GID4: variants seen among roughly 807,000 people sequenced by gnomAD.
GID4 encodes the protein GID complex subunit 4 homolog.
A neutral mutation model predicts 32.4 loss-of-function variants in GID4; 7 were observed. The observed-to-expected ratio is 0.22, with a 90% CI of 0.12 to 0.41. GID4 has a LOEUF of 0.41. Among genes scored for constraint, GID4 ranks in the 10% least tolerant of loss-of-function variants. GID4 has a pLI of 1.00. For synonymous variants in GID4, 166 were observed against 170.0 expected, an observed-to-expected ratio of 0.98 and a Z score of 0.18; for missense variants, 309 against 400.0, an observed-to-expected ratio of 0.77 and a Z score of 1.94.
chr17:18,041,628 A>G (rs959118896), intron 1 of GID4, among the ~76,000 whole-genome samples: 1 of 152,168 alleles, frequency 6.6e-6, no homozygotes, highest in African/African-American at 2.4e-5. Context: ...ACCTAGTCAT[A>G]GAATTCTGGA....
At chr17:18,049,181 C>G (rs1272028991) in intron 2 of GID4, among the ~76,000 whole-genome samples, 1 of 150,952 alleles carries the variant, frequency 6.6e-6, no homozygotes. Context: ...ACTAAAAATA[C>G]AAAAATTAGC....
Position 18,045,154 on chromosome 17 carries a change from A to G in GID4, c.446A>G (p.Asp149Gly). 6.2e-7 allele frequency: 1 copy of G among 1,613,064 alleles called. No individual in the cohort carries two copies. The highest frequency in any genetic ancestry group is 8.5e-7 in the Non-Finnish European group (1 of 1,179,072). Residue 149 changes from aspartate to glycine, a missense_variant, in exon 2 of 6, where the codon GAC (aspartate) becomes GGC (glycine). This residue lies in a region of GID4 where 116 missense variants were observed against 214.2 expected (regional missense o/e 0.54). Transcript: ENST00000268719. ...TGTATCCTTTCTTTTCAGCACGTGG[A>G]CACGGGGAACTCTTACCTTTGTGGG... ...YDVEVVLQHV[D>G]TGNSYLCGYL...
intron 5 of GID4, 102 bp from the exon 6 acceptor site, chr17:18,065,078 A>G (rs2045048463): frequency 2.5e-6 from 2 of 801,602 alleles, no homozygotes; most frequent in African/African-American, 1.7e-5. Context: ...CAGTCCAAGT[A>G]TGTGACTTGT....
Position 18,045,149 on chromosome 17 carries a change from C to G in GID4, c.441C>G (p.His147Gln), listed in dbSNP as rs764917589. The change falls in exon 2 of 6, where the codon CAC (histidine) becomes CAG (glutamine). Residue 147 changes from histidine to glutamine, a missense_variant and splice_region_variant. Coordinates refer to ENST00000268719, the MANE Select transcript of GID4 (RefSeq NM_024052.5). ...GGCTGTGTATCCTTTCTTTTCAGCACGTGGACACGGGGAACTCTTACCTTT... is the reference window on the plus strand; with the variant it reads ...GGCTGTGTATCCTTTCTTTTCAGCAGGTGGACACGGGGAACTCTTACCTTT... ...NSYDVEVVLQ[H>Q]VDTGNSYLCG... 6.2e-7 allele frequency: 1 copy of G among 1,612,246 alleles called. No individual in the cohort carries two copies. Among genetic ancestry groups the G allele is most frequent in the East Asian group, 2.2e-5 (1 of 44,874 alleles).
chr17:18,065,058 A>G (rs1345719475), intron 5 of GID4, 122 bp from the exon 6 acceptor site: 3 of 711,214 alleles, frequency 4.2e-6, no homozygotes, highest in East Asian at 5.1e-5. Flanking sequence ...TAGAAAATGA[A>G]TGTGCATTTC....
intron 4 of GID4, 34 bp downstream of exon 4, chr17:18,059,003 A>G (rs376396868): frequency 2.6e-5 from 33 of 1,262,478 alleles, no homozygotes; most frequent in Middle Eastern, 3.9e-4. Context: ...CCAGACTCCC[A>G]GCAAGCCAGG....
chr17:18,056,158 A>G (rs2044964812), intron 3 of GID4, among the ~76,000 whole-genome samples: 1 of 152,218 alleles, frequency 6.6e-6, no homozygotes, highest in Admixed American at 6.6e-5. Context: ...CCCAGCCCCA[A>G]GCTGTTTTTT....
In GID4 at chr17:18,039,578, G is replaced by A. The variant is rs942901007; in HGVS notation, c.114G>A (p.Ala38=). 9 of 1,302,656 alleles carry A rather than the reference G, an allele frequency of 6.9e-6. No individual in the cohort carries two copies. Among genetic ancestry groups the A allele is most frequent in the Non-Finnish European group, 7.8e-6 (8 of 1,029,896 alleles). 80.7% of individuals were successfully genotyped at this position (1,302,656 alleles called of 1,614,324 possible). A position where few individuals can be genotyped will look rare whatever the true frequency, so the allele number is the denominator to read the frequency against. The change falls in exon 1 of 6, where the codon GCG becomes GCA. Residue 38 remains alanine (A), a synonymous_variant. Coordinates refer to ENST00000268719, the MANE Select transcript of GID4 (RefSeq NM_024052.5). The surrounding 1 kb of genome is among the most constrained non-coding windows in gnomAD (Gnocchi z 5.3). ...AGCGCTTGCTCCGCAGGCAGCGGGCGGGTGGTCGCCCCTCCCGCCCCCACC... is the reference window on the plus strand; with the variant it reads ...AGCGCTTGCTCCGCAGGCAGCGGGCAGGTGGTCGCCCCTCCCGCCCCCACC... ...RPERLLRRQR[A]GGRPSRPHPA...
At chr17:18,063,640 C>A (rs990414465) in intron 5 of GID4, among the ~76,000 whole-genome samples, 3 of 152,136 alleles carry the variant, frequency 2.0e-5, no homozygotes, top group African/African-American at 7.2e-5. Flanking sequence ...ACGGCCCTTG[C>A]TTCTGGCTTT....
chr17:18,065,325 C>G lies in GID4; in HGVS notation c.*82C>G. 2.0e-6 allele frequency: 2 copies of G among 1,002,300 alleles called. No homozygotes were observed. Among genetic ancestry groups the G allele is most frequent in the South Asian group, 2.6e-5 (2 of 76,062 alleles). The allele number at this position is 1,002,300 out of a possible 1,614,324, so 62.1% of individuals were successfully genotyped here. On this transcript the variant is annotated 3_prime_UTR_variant, in exon 6 of 6. Transcript: ENST00000268719. ...GAGAAAATTGTGTACCTGCCAGAACCAGGAGAAGTGTGTTCCTGTTTCTTC... is the reference window on the plus strand; with the variant it reads ...GAGAAAATTGTGTACCTGCCAGAACGAGGAGAAGTGTGTTCCTGTTTCTTC...
chr17:18,039,725 C>G lies in GID4; in HGVS notation c.261C>G (p.Arg87=). The G allele has an allele frequency of 6.6e-7, 1 of 1,515,790 alleles. No homozygotes were observed. Among genetic ancestry groups the G allele is most frequent in the South Asian group, 1.2e-5 (1 of 81,308 alleles). 93.9% of individuals were successfully genotyped at this position (1,515,790 alleles called of 1,614,324 possible). ...LAPGDPAMPV[R]TECPPPAGAS... ...CGGGGGACCCCGCGATGCCGGTCCG[C>G]ACCGAGTGTCCCCCGCCGGCCGGTG... Residue 87 remains arginine (R), a synonymous_variant, in exon 1 of 6, where the codon CGC becomes CGG. Transcript: ENST00000268719. This position sits in a 1 kb window ranked among gnomAD's most constrained non-coding sequence, Gnocchi z 5.3.
At position 18,061,942 on chromosome 17, in the gene GID4, T is replaced by A; in HGVS notation, c.806T>A (p.Ile269Lys). 1 of 1,613,796 alleles carries A rather than the reference T, an allele frequency of 6.2e-7. No homozygotes were observed. The highest frequency in any genetic ancestry group is 8.5e-7 in the Non-Finnish European group (1 of 1,179,896). ...YICFQKSAAS[I>K]EGYYYHRSSE... ...TGCTTTCAGAAGTCAGCAGCCTCCA[T>A]AGAGGGCTACTACTACCATAGGAGT... Residue 269 changes from isoleucine to lysine, a missense_variant, in exon 5 of 6, where the codon ATA becomes AAA. Coordinates refer to ENST00000268719, the MANE Select transcript of GID4 (RefSeq NM_024052.5). This position sits in a 1 kb window ranked among gnomAD's most constrained non-coding sequence, Gnocchi z 4.4.
Position 18,039,571 on chromosome 17 carries a change from A to G in GID4, c.107A>G (p.Gln36Arg). Residue 36 changes from glutamine to arginine, a missense_variant, in exon 1 of 6, where the codon CAG becomes CGG. By Grantham distance (43) the Gln-to-Arg change is conservative (BLOSUM62 1). This residue lies in a region of GID4 where 193 missense variants were observed against 185.8 expected (regional missense o/e 1.04). Transcript: ENST00000268719. This position sits in a 1 kb window ranked among gnomAD's most constrained non-coding sequence, Gnocchi z 5.3. ...RWRPERLLRR[Q>R]RAGGRPSRPH... ...CGGCCGGAGCGCTTGCTCCGCAGGCAGCGGGCGGGTGGTCGCCCCTCCCGC... is the reference window on the plus strand; with the variant it reads ...CGGCCGGAGCGCTTGCTCCGCAGGCGGCGGGCGGGTGGTCGCCCCTCCCGC... The G allele has an allele frequency of 7.7e-7, 1 of 1,301,834 alleles. No individual in the cohort carries two copies. Among genetic ancestry groups the G allele is most frequent in the South Asian group, 2.4e-5 (1 of 42,124 alleles). The allele number at this position is 1,301,834 out of a possible 1,614,324, so 80.6% of individuals were successfully genotyped here. A position where few individuals can be genotyped will look rare whatever the true frequency, so the allele number is the denominator to read the frequency against.
chr17:18,065,325 CAGG>C lies in GID4; in HGVS notation c.*85_*87del. The stretch of plus-strand genomic sequence containing the variant: ...GAGAAAATTGTGTACCTGCCAGAAC[CAGG>C]AGAAGTGTGTTCCTGTTTCTTCACG... On this transcript the variant is annotated 3_prime_UTR_variant, in exon 6 of 6. Coordinates refer to ENST00000268719, the MANE Select transcript of GID4 (RefSeq NM_024052.5). 1.0e-6 allele frequency: 1 copy of C among 1,002,300 alleles called. No homozygotes were observed. The highest frequency in any genetic ancestry group is 1.6e-6 in the Non-Finnish European group (1 of 632,474). The allele number at this position is 1,002,300 out of a possible 1,614,324, so 62.1% of individuals were successfully genotyped here. A position where few individuals can be genotyped will look rare whatever the true frequency, so the allele number is the denominator to read the frequency against.
chr17:18,054,357 G>T (rs1205399387), intron 3 of GID4, 123 bp downstream of exon 3: 12 of 594,118 alleles, frequency 2.0e-5, no homozygotes, highest in Non-Finnish European at 3.3e-5. Flanking sequence ...GTAAAAGGTT[G>T]CACTGCACAC....
At chr17:18,043,013 C>A (rs1022084350) in intron 1 of GID4, among the ~76,000 whole-genome samples, 3 of 152,154 alleles carry the variant, frequency 2.0e-5, no homozygotes, top group Non-Finnish European at 4.4e-5. Context: ...CTCCTCTCCA[C>A]CCCGCACTTA....
At position 18,039,806 on chromosome 17, in the gene GID4, GC is replaced by G; in HGVS notation, c.345del (p.Gly116AlafsTer26). On this transcript the variant is annotated frameshift_variant, in exon 1 of 6. Coordinates refer to ENST00000268719, the MANE Select transcript of GID4 (RefSeq NM_024052.5). LOFTEE classifies it high-confidence loss of function. This position sits in a 1 kb window ranked among gnomAD's most constrained non-coding sequence, Gnocchi z 5.3. ...IPPPPINTQQ[P>X]GVATSLLYSG... The stretch of plus-strand genomic sequence containing the variant: ...CGCCGCCGCCCATCAACACCCAGCA[GC>G]CCGGCGTGGCCACCAGCCTGCTCTA... 6.3e-7 allele frequency: 1 copy of G among 1,576,580 alleles called. No individual in the cohort carries two copies. The highest frequency in any genetic ancestry group is 8.6e-7 in the Non-Finnish European group (1 of 1,162,680).
At chr17:18,046,061 A>G (rs953621370) in intron 2 of GID4, among the ~76,000 whole-genome samples, 2 of 152,206 alleles carry the variant, frequency 1.3e-5, no homozygotes, top group African/African-American at 4.8e-5. Flanking sequence ...TTAGCAAGGA[A>G]ACAGGAAGTG....
chr17:18,053,063 T>C (rs1446391449), intron 2 of GID4, among the ~76,000 whole-genome samples: 1 of 137,098 alleles, frequency 7.3e-6, no homozygotes, highest in Non-Finnish European at 1.5e-5. Flanking sequence ...TTGCCCAGGC[T>C]GGAGTGCAAT....
Sources: allele counts gnomAD v4.1 joint callset (sites outside exome capture counted in the v4.1 genomes callset), GRCh38; gene constraint gnomAD v4.1.1; regional missense constraint gnomAD v4.1.1; non-coding constraint Gnocchi (gnomAD v3.1); transcripts MANE v1.5; gene names NCBI Gene and HGNC (gene_info 2026-07-23, HGNC 2026-07-21).